SETD2: variants seen among roughly 807,000 people sequenced by gnomAD.
SETD2 encodes histone-lysine N-methyltransferase SETD2.
A neutral mutation model predicts 242.1 loss-of-function variants in SETD2; 31 were observed. That is an observed-to-expected ratio of 0.13 (90% CI 0.10 to 0.17). The LOEUF is 0.17. SETD2 is among the 10% of genes least tolerant of loss of function. SETD2 has a pLI of 1.00. For missense variants in SETD2, 2,481 were observed against 3,046.3 expected (o/e 0.81, Z 4.37); for synonymous variants, 1,006 against 1,066.5 (o/e 0.94, Z 1.11).
chr3:47,146,501 G>A (rs1159505853), intron 1 of SETD2, among the ~76,000 whole-genome samples: 3 of 151,668 alleles, frequency 2.0e-5, no homozygotes, highest in Non-Finnish European at 4.4e-5. Context: ...AGTGGTAGTC[G>A]CCTCTAATAC....
At position 47,017,751 on chromosome 3, in the gene SETD2, G is replaced by A. The variant is rs371706618; in HGVS notation, c.7432-12C>T. 216 of 1,595,692 alleles carry A rather than the reference G, an allele frequency of 1.4e-4. No homozygotes were observed. The highest frequency in any genetic ancestry group is 1.8e-4 in the Non-Finnish European group (206 of 1,163,294). ...ATGAACTGGGACATCTGCAGGCAGA[G>A]AAAAGAGAACACGTTGCTCAACAGT... On this transcript the variant is annotated splice_polypyrimidine_tract_variant and intron_variant, in intron 19 of 20. Transcript: ENST00000409792. The surrounding 1 kb of genome is among the most constrained non-coding windows in gnomAD (Gnocchi z 4.8).
At chr3:47,037,865 A>T in intron 17 of SETD2, 88 bp from the exon 18 acceptor site, 1 of 903,250 alleles carries the variant, frequency 1.1e-6, no homozygotes, top group Non-Finnish European at 1.8e-6. Context: ...TACATAAAAT[A>T]CAACATACAA....
At chr3:47,087,964 T>TAAAC (rs56810001) in intron 10 of SETD2, 149 bp downstream of exon 10, 523 of 740,924 alleles carry the variant, frequency 7.1e-4, no homozygotes, top group East Asian at 4.8e-3. Flanking sequence ...AGACCCCATC[T>TAAAC]AAACAAACAA....
Position 47,124,099 on chromosome 3 carries a change from T to C in SETD2, c.537A>G (p.Glu179=), listed in dbSNP as rs1299316630. 3 of 1,551,928 alleles carry C rather than the reference T, an allele frequency of 1.9e-6. No homozygotes were observed. Among genetic ancestry groups the C allele is most frequent in the African/African-American group, 2.7e-5 (2 of 73,156 alleles). The stretch of plus-strand genomic sequence containing the variant: ...AGGGCGGTGAGTCTACAGTTGTTGA[T>C]TCTGCTATCACTGCTGGTAATGGTG... The part of the protein sequence containing the change: ...HAAPLPAVIA[E]STTVDSPPSS... The change falls in exon 3 of 21, where the codon GAA becomes GAG. Residue 179 remains glutamate, a synonymous_variant. Transcript: ENST00000409792.
At chr3:47,127,252 G>A (rs1444495687) in intron 1 of SETD2, among the ~76,000 whole-genome samples, 1 of 151,950 alleles carries the variant, frequency 6.6e-6, no homozygotes, top group African/African-American at 2.4e-5. Flanking sequence ...CAGCTACCTG[G>A]GAGGCTGAGG....
At chr3:47,136,199 C>T (rs2043586471) in intron 1 of SETD2, among the ~76,000 whole-genome samples, 1 of 152,168 alleles carries the variant, frequency 6.6e-6, no homozygotes, top group African/African-American at 2.4e-5. Context: ...CCTCATTTGT[C>T]CTTAATTTTT....
intron 1 of SETD2, among the ~76,000 whole-genome samples, chr3:47,158,555 G>A (rs1442391578): frequency 6.6e-6 from 1 of 152,082 alleles, no homozygotes; most frequent in African/African-American, 2.4e-5. Context: ...ACTTCCTTAT[G>A]ATTTTCTTAA....
intron 1 of SETD2, among the ~76,000 whole-genome samples, chr3:47,127,948 C>G (rs1285339895): frequency 6.6e-6 from 1 of 152,122 alleles, no homozygotes; most frequent in Non-Finnish European, 1.5e-5. Context: ...GATCATGCCA[C>G]TGCACTCCAG....
At chr3:47,078,320 C>T (rs2041179953) in intron 12 of SETD2, among the ~76,000 whole-genome samples, 1 of 151,888 alleles carries the variant, frequency 6.6e-6, no homozygotes, top group Admixed American at 6.6e-5. Context: ...TATTCCTGAC[C>T]AAAAAAATGT....
At chr3:47,091,209 T>C (rs1438488935) in intron 9 of SETD2, among the ~76,000 whole-genome samples, 2 of 152,220 alleles carry the variant, frequency 1.3e-5, no homozygotes, top group Non-Finnish European at 2.9e-5. Context: ...CCTTCCTGTG[T>C]CCCAAATTCT....
At chr3:47,097,883 C>A (rs540706102) in intron 9 of SETD2, 72 bp downstream of exon 9, 9 of 1,504,768 alleles carry the variant, frequency 6.0e-6, no homozygotes, top group African/African-American at 2.8e-5. Flanking sequence ...GACTTTATAA[C>A]CTTCAATCAG....
At chr3:47,040,756 A>G (rs1164098952) in intron 17 of SETD2, among the ~76,000 whole-genome samples, 1 of 151,860 alleles carries the variant, frequency 6.6e-6, no homozygotes, top group Non-Finnish European at 1.5e-5. Flanking sequence ...TATTTTTTGT[A>G]GAGATGGGGT....
chr3:47,084,180 T>C lies in SETD2; in HGVS notation c.5600A>G (p.Glu1867Gly). 1 of 1,614,166 alleles carries C rather than the reference T, an allele frequency of 6.2e-7. No homozygotes were observed. The highest frequency in any genetic ancestry group is 8.5e-7 in the Non-Finnish European group (1 of 1,180,020). Residue 1867 changes from glutamate (E) to glycine (G), a missense_variant, in exon 12 of 21, where the codon GAA becomes GGA. This residue lies in a region of SETD2 where 203 missense variants were observed against 222.4 expected (regional missense o/e 0.91). Transcript: ENST00000409792. Reference protein sequence around the residue: ...TPDPSTKLSTEADTDTPKKLM... With the variant: ...TPDPSTKLSTGADTDTPKKLM... The stretch of plus-strand genomic sequence containing the variant: ...TTTCTTGGGAGTGTCTGTGTCAGCT[T>C]CTGTGCTCAGCTTGGTGGAAGGATC...
At chr3:47,045,446 A>T (rs1349770714) in intron 16 of SETD2, among the ~76,000 whole-genome samples, 1 of 149,602 alleles carries the variant, frequency 6.7e-6, no homozygotes, top group African/African-American at 2.5e-5. Flanking sequence ...AGAACCCAGG[A>T]GGCGGAGCTT....
At position 47,113,994 on chromosome 3, in the gene SETD2, A is replaced by G. The variant is rs747771114; in HGVS notation, c.4597T>C (p.Cys1533Arg). 6.2e-7 allele frequency: 1 copy of G among 1,606,944 alleles called. No individual in the cohort carries two copies. The highest frequency in any genetic ancestry group is 8.5e-7 in the Non-Finnish European group (1 of 1,178,022). Residue 1533 changes from cysteine to arginine, a missense_variant, in exon 5 of 21, where the codon TGT (cysteine) becomes CGT (arginine). Cys to Arg is a radical substitution (Grantham distance 180, BLOSUM62 -3). Around this residue, in one of 17 missense-constraint regions of SETD2, gnomAD observed 61 missense variants for 221.4 expected, o/e 0.28. Transcript: ENST00000409792. Reference sequence around the variant, plus strand: ...TTGGAACAATAATCCCCATTTGGACACCGAGAAGAACTGAAATGAGAAAAG... The same window carrying G: ...TTGGAACAATAATCCCCATTTGGACGCCGAGAAGAACTGAAATGAGAAAAG... ...RLLMIECSSR[C>R]PNGDYCSNRR... is the part of the protein sequence containing the mutation.
At chr3:47,100,533 C>T (rs1444602373) in intron 8 of SETD2, among the ~76,000 whole-genome samples, 2 of 152,072 alleles carry the variant, frequency 1.3e-5, no homozygotes, top group East Asian at 1.9e-4. Flanking sequence ...AGATTACAGG[C>T]GTGACCCACT....
At chr3:47,062,856 T>C (rs367852234) in intron 13 of SETD2, among the ~76,000 whole-genome samples, 11 of 151,984 alleles carry the variant, frequency 7.2e-5, no homozygotes, top group Non-Finnish European at 1.3e-4. Flanking sequence ...GCTGGGAGGA[T>C]TGCTTAAGCC....
intron 18 of SETD2, among the ~76,000 whole-genome samples, chr3:47,031,560 A>G (rs1003704314): frequency 6.6e-6 from 1 of 152,240 alleles, no homozygotes; most frequent in Admixed American, 6.5e-5. Flanking sequence ...GCTAAAGGAA[A>G]ATGATTCCAG....
chr3:47,064,343 G>A (rs1428969114), intron 13 of SETD2, among the ~76,000 whole-genome samples: 1 of 152,112 alleles, frequency 6.6e-6, no homozygotes, highest in African/African-American at 2.4e-5. Flanking sequence ...CCACATCCGG[G>A]TAGAAAATGC....
Sources: gnomAD v4.1 joint callset for allele counts (sites outside exome capture counted in the v4.1 genomes callset) on GRCh38, gnomAD v4.1.1 for gene constraint, gnomAD v4.1.1 regional missense constraint, Gnocchi (gnomAD v3.1) non-coding constraint, MANE v1.5 for transcripts, NCBI Gene and HGNC (gene_info 2026-07-23, HGNC 2026-07-21) for gene names.